Variants in SPAG16 observed in about 807,000 individuals in gnomAD.
SPAG16 encodes sperm associated antigen 16.
SPAG16 carries 86 observed loss-of-function variants against 80.4 expected under a neutral mutation model. The ratio of observed to expected loss-of-function variants is 1.07; its 90% CI spans 0.90 to 1.28. SPAG16 has a LOEUF of 1.28. Among genes scored for constraint, SPAG16 ranks in the 50% most tolerant of loss-of-function variants. The pLI, the probability that SPAG16 is intolerant of heterozygous loss-of-function variation, is 0.00. For synonymous variants in SPAG16, 294 were observed against 265.9 expected (o/e 1.11, Z -1.03); for missense variants, 870 against 765.3 (o/e 1.14, Z -1.61).
intron 10 of SPAG16, among the ~76,000 whole-genome samples, chr2:213,500,624 A>G (rs935518173): frequency 2.8e-4 from 43 of 152,356 alleles, no homozygotes; most frequent in Middle Eastern, 3.4e-3. Flanking sequence ...TCATTACACT[A>G]GTACAACCTA....
intron 5 of SPAG16, among the ~76,000 whole-genome samples, chr2:213,328,815 T>C (rs1224128122): frequency 6.6e-6 from 1 of 152,170 alleles, no homozygotes; most frequent in Admixed American, 6.5e-5. Flanking sequence ...TACCTGTTGA[T>C]TGGTTTGGCT....
intron 10 of SPAG16, among the ~76,000 whole-genome samples, chr2:213,527,682 AAACTC>A (rs1346969071): frequency 2.0e-5 from 3 of 152,200 alleles, no homozygotes; most frequent in African/African-American, 7.2e-5. Flanking sequence ...ATTACACTAA[AAACTC>A]AACACACAGA....
At chr2:213,779,350 A>G (rs1201356869) in intron 10 of SPAG16, among the ~76,000 whole-genome samples, 1 of 152,214 alleles carries the variant, frequency 6.6e-6, no homozygotes, top group Non-Finnish European at 1.5e-5. Flanking sequence ...CTTAAGCTGC[A>G]AATTAGAGTA....
chr2:213,526,369 A>G (rs139714675), intron 10 of SPAG16, among the ~76,000 whole-genome samples: 66 of 152,010 alleles, frequency 4.3e-4, no homozygotes, highest in African/African-American at 1.6e-3. Context: ...TATTTTCATT[A>G]TTTTCTCTTG....
At chr2:213,915,795 T>C (rs2077930882) in intron 11 of SPAG16, among the ~76,000 whole-genome samples, 2 of 152,190 alleles carry the variant, frequency 1.3e-5, no homozygotes, top group East Asian at 3.9e-4. Flanking sequence ...GTTTCCTGAC[T>C]TTTTAATGAT....
intron 14 of SPAG16, among the ~76,000 whole-genome samples, chr2:214,138,642 C>G (rs1032712024): frequency 1.3e-5 from 2 of 152,148 alleles, no homozygotes; most frequent in African/African-American, 4.8e-5. Flanking sequence ...CAAATACCAC[C>G]TGACTTCCTG....
intron 10 of SPAG16, among the ~76,000 whole-genome samples, chr2:213,792,574 A>ATC (rs2070764568): frequency 8.7e-6 from 1 of 114,740 alleles, no homozygotes; most frequent in Non-Finnish European, 1.8e-5. Flanking sequence ...GAAAATGAGT[A>ATC]TCTTTTTTTT....
intron 10 of SPAG16, among the ~76,000 whole-genome samples, chr2:213,718,567 G>T (rs1251140646): frequency 6.6e-6 from 1 of 152,214 alleles, no homozygotes; most frequent in East Asian, 1.9e-4. Context: ...CGTGGGCTTG[G>T]TGGGCCCCGC....
chr2:214,166,424 C>T (rs903755726), intron 15 of SPAG16, among the ~76,000 whole-genome samples: 3 of 152,116 alleles, frequency 2.0e-5, no homozygotes, highest in Non-Finnish European at 4.4e-5. Context: ...CCCCCGGGCT[C>T]GGGTGCACTT....
chr2:213,761,906 A>AC lies in SPAG16; in HGVS notation c.1071-100576dup, dbSNP rs548014196. Among the ~76,000 whole-genome samples the AC allele has an allele frequency of 2.1e-3, 312 of 150,800 alleles. 2 individuals carry two copies. Among genetic ancestry groups the AC allele is most frequent in the African/African-American group, 7.0e-3 (290 of 41,224 alleles). On this transcript the variant is annotated intron_variant, in intron 10 of 15. Coordinates refer to ENST00000331683, the MANE Select transcript of SPAG16 (RefSeq NM_024532.5). ...AAACAAAAAAACAAAACAAAAAAAAACCCTACAGACCAATATCTCTTACGA... is the reference window on the plus strand; with the variant it reads ...AAACAAAAAAACAAAACAAAAAAAAACCCCTACAGACCAATATCTCTTACGA...
chr2:213,776,871 C>G (rs2069622957), intron 10 of SPAG16, among the ~76,000 whole-genome samples: 1 of 129,970 alleles, frequency 7.7e-6, no homozygotes, highest in South Asian at 2.6e-4. Flanking sequence ...TAATATAACA[C>G]ATACATGTTC....
intron 9 of SPAG16, among the ~76,000 whole-genome samples, chr2:213,435,892 C>G (rs183663755): frequency 6.6e-6 from 1 of 152,236 alleles, no homozygotes; most frequent in Non-Finnish European, 1.5e-5. Flanking sequence ...TACTTGCTAT[C>G]TATATAATTT....
rs1384083696 is a variant in SPAG16, at chr2:214,326,481, C to A, written c.1721-83659C>A. 3.9e-5 allele frequency among the ~76,000 whole-genome samples: 6 copies of A among 151,978 alleles called. No homozygotes were observed. The East Asian group carries it at 1.2e-3, about 29-fold the overall frequency. ...AATGTATCATGGCAGCCACAGGTAA[C>A]TAATAACAGTAAAAAAGCCAATATT... On this transcript the variant is annotated intron_variant, in intron 15 of 15. Coordinates refer to ENST00000331683, the MANE Select transcript of SPAG16 (RefSeq NM_024532.5).
chr2:213,294,021 T>G (rs2062402291), intron 1 of SPAG16, among the ~76,000 whole-genome samples: 1 of 152,238 alleles, frequency 6.6e-6, no homozygotes, highest in South Asian at 2.1e-4. Context: ...ACATTAGGTC[T>G]CCATAAATTC....
intron 11 of SPAG16, among the ~76,000 whole-genome samples, chr2:213,882,339 A>G (rs2076375347): frequency 6.6e-6 from 1 of 152,148 alleles, no homozygotes; most frequent in Admixed American, 6.6e-5. Flanking sequence ...GGCTAATGCT[A>G]GCTTCATGGA....
chr2:213,551,032 T>A (rs2076763697), intron 10 of SPAG16, among the ~76,000 whole-genome samples: 1 of 152,170 alleles, frequency 6.6e-6, no homozygotes. Flanking sequence ...TTAGAAAAAT[T>A]CAGAATTTTC....
Position 214,121,535 on chromosome 2 carries a change from T to G in SPAG16, c.1593+13274T>G, listed in dbSNP as rs142574921. Among the ~76,000 whole-genome samples, 977 of 152,004 alleles carry G rather than the reference T, an allele frequency of 6.4e-3. 4 individuals are homozygous for G. Among genetic ancestry groups the G allele is most frequent in the Non-Finnish European group, 8.8e-3 (598 of 67,794 alleles). Reference sequence around the variant, plus strand: ...CTTGAGCAAATTATTTAGCTCATCTTTAAAATGAGTGACAAAAGAACAGAG... The same window carrying G: ...CTTGAGCAAATTATTTAGCTCATCTGTAAAATGAGTGACAAAAGAACAGAG... On this transcript the variant is annotated intron_variant, in intron 14 of 15. Transcript: ENST00000331683.
At chr2:214,084,338 C>A (rs1380627301) in intron 13 of SPAG16, among the ~76,000 whole-genome samples, 3 of 151,966 alleles carry the variant, frequency 2.0e-5, no homozygotes, top group Non-Finnish European at 4.4e-5. Context: ...ATCCTCAATT[C>A]TGTTACTCTT....
At chr2:213,733,232 T>TC (rs1323523592) in intron 10 of SPAG16, among the ~76,000 whole-genome samples, 1 of 149,796 alleles carries the variant, frequency 6.7e-6, no homozygotes, top group Non-Finnish European at 1.5e-5. Flanking sequence ...TTTTTTTTTC[T>TC]TGTAAATTTA....
Sources: gnomAD v4.1 joint callset for allele counts (sites outside exome capture counted in the v4.1 genomes callset) on GRCh38, gnomAD v4.1.1 for gene constraint, MANE v1.5 for transcripts, NCBI Gene and HGNC (gene_info 2026-07-23, HGNC 2026-07-21) for gene names.